The following SLC30A7 variants were observed in gnomAD, a reference collection of about 807,000 sequenced individuals.
SLC30A7 encodes zinc transporter 7.
In SLC30A7, 35 loss-of-function variants were observed where a neutral mutation model predicts 46.0. That is an observed-to-expected ratio of 0.76 (90% CI 0.58 to 1.01). The LOEUF is 1.01. Among genes scored for constraint, SLC30A7 ranks in the 50% least tolerant of loss-of-function variants. The pLI is 0.00. For synonymous variants in SLC30A7, 147 were observed against 157.8 expected, an observed-to-expected ratio of 0.93 and a Z score of 0.51; for missense variants, 464 against 451.1, an observed-to-expected ratio of 1.03 and a Z score of -0.26.
At chr1:100,943,866 G>T in intron 8 of SLC30A7, among the ~76,000 whole-genome samples, 1 of 152,120 alleles carries the variant, frequency 6.6e-6, no homozygotes, top group South Asian at 2.1e-4. Flanking sequence ...TGATATATAG[G>T]TTTATAGCAT....
chr1:100,942,084 C>T (rs983830851), intron 8 of SLC30A7: 1 of 193,588 alleles, frequency 5.2e-6, no homozygotes, highest in Non-Finnish European at 1.1e-5. Flanking sequence ...AGTAGTTTAG[C>T]TCAACGTATA....
chr1:100,981,719 C>G lies in SLC30A7; in HGVS notation c.*6862C>G, dbSNP rs189199117. On this transcript the variant is annotated 3_prime_UTR_variant, in exon 11 of 11. Coordinates refer to ENST00000357650, the MANE Select transcript of SLC30A7 (RefSeq NM_133496.5). Reference sequence around the variant, plus strand: ...ATTTAAAAAGAATCATGAACTGTATCAAAATTCTTTCAATAAAATTTCTAT... The same window carrying G: ...ATTTAAAAAGAATCATGAACTGTATGAAAATTCTTTCAATAAAATTTCTAT... 6.6e-6 allele frequency: 1 copy of G among 152,216 alleles called. No homozygotes were observed. Among genetic ancestry groups the G allele is most frequent in the East Asian group, 1.9e-4 (1 of 5,188 alleles). 9.4% of individuals were successfully genotyped at this position (152,216 alleles called of 1,614,324 possible).
At chr1:100,923,332 A>G (rs1333842991) in intron 8 of SLC30A7, among the ~76,000 whole-genome samples, 5 of 152,126 alleles carry the variant, frequency 3.3e-5, no homozygotes, top group Admixed American at 3.3e-4. Flanking sequence ...AGATTTAATA[A>G]AGTATGATGA....
At chr1:100,909,611 T>C (rs1379697927) in intron 3 of SLC30A7, among the ~76,000 whole-genome samples, 1 of 152,108 alleles carries the variant, frequency 6.6e-6, no homozygotes, top group Non-Finnish European at 1.5e-5. Context: ...GGCAAATGTG[T>C]TTAGTTTTCA....
chr1:100,937,862 A>G (rs1176101322), intron 8 of SLC30A7, among the ~76,000 whole-genome samples: 1 of 152,124 alleles, frequency 6.6e-6, no homozygotes, highest in Non-Finnish European at 1.5e-5. Context: ...GTTTTCTTCT[A>G]AGAGTTTTAT....
At chr1:100,909,451 T>G (rs923469369) in intron 3 of SLC30A7, among the ~76,000 whole-genome samples, 1 of 152,150 alleles carries the variant, frequency 6.6e-6, no homozygotes, top group East Asian at 1.9e-4. Flanking sequence ...TATATACATA[T>G]GTACCTATAC....
chr1:100,906,921 T>C lies in SLC30A7; in HGVS notation c.252T>C (p.Ala84=), dbSNP rs1198431632. 6 of 1,613,412 alleles carry C rather than the reference T, an allele frequency of 3.7e-6. No homozygotes were observed. Among genetic ancestry groups the C allele is most frequent in the Non-Finnish European group, 4.2e-6 (5 of 1,179,494 alleles). ...CTGCCATTTTGGCTGGACTGGCAGCTTCTGTTATTTCAAAATGGAGAGATA... is the reference window on the plus strand; with the variant it reads ...CTGCCATTTTGGCTGGACTGGCAGCCTCTGTTATTTCAAAATGGAGAGATA... ...DSTAILAGLA[A]SVISKWRDND... is the part of the protein sequence containing the mutation. Residue 84 remains alanine (A), a synonymous_variant, in exon 3 of 11, where the codon GCT becomes GCC. Coordinates refer to ENST00000357650, the MANE Select transcript of SLC30A7 (RefSeq NM_133496.5).
intron 8 of SLC30A7, among the ~76,000 whole-genome samples, chr1:100,944,244 T>A (rs936765444): frequency 6.6e-6 from 1 of 152,140 alleles, no homozygotes; most frequent in South Asian, 2.1e-4. Flanking sequence ...TTTGCCATGT[T>A]GTCCAGGCTG....
At chr1:100,983,898 G>C (rs1165652713), downstream of SLC30A7, among the ~76,000 whole-genome samples, 1 of 152,190 alleles carries the variant, frequency 6.6e-6, no homozygotes, top group African/African-American at 2.4e-5. Flanking sequence ...AGCCGTCGCT[G>C]TCTTCCACCC....
chr1:100,927,172 A>G (rs1570541552), intron 8 of SLC30A7, among the ~76,000 whole-genome samples: 1 of 152,310 alleles, frequency 6.6e-6, no homozygotes, highest in East Asian at 1.9e-4. Context: ...TTTGGGTGTC[A>G]TCAGATTATA....
At chr1:100,931,725 A>G (rs368662063) in intron 8 of SLC30A7, among the ~76,000 whole-genome samples, 1 of 152,206 alleles carries the variant, frequency 6.6e-6, no homozygotes, top group African/African-American at 2.4e-5. Context: ...GTAAATTAGG[A>G]GTCTATTTGT....
rs1306428598 is a variant in SLC30A7, at chr1:100,921,744, A to T, written c.745A>T (p.Ile249Phe). Residue 249 changes from isoleucine to phenylalanine, a missense_variant, in exon 8 of 11, where the codon ATT becomes TTT. Physicochemically the swap from Ile to Phe is conservative, Grantham distance 21. Coordinates refer to ENST00000357650, the MANE Select transcript of SLC30A7 (RefSeq NM_133496.5). The part of the protein sequence containing the change: ...LHILADTLGS[I>F]GVIASAIMMQ... The stretch of plus-strand genomic sequence containing the variant: ...TATCCTAGCAGATACACTTGGAAGT[A>T]TTGGTGTAATTGCTTCTGCCATCAT... 6.2e-7 allele frequency: 1 copy of T among 1,612,258 alleles called. No homozygotes were observed. Among genetic ancestry groups the T allele is most frequent in the Admixed American group, 1.7e-5 (1 of 60,000 alleles).
chr1:100,989,133 A>G, the SLC30A7 span, among the ~76,000 whole-genome samples: 2 of 152,224 alleles, frequency 1.3e-5, no homozygotes, highest in African/African-American at 2.4e-5. Context: ...ATGAAATATA[A>G]TAAATGGAGT....
intron 3 of SLC30A7, among the ~76,000 whole-genome samples, chr1:100,909,574 T>C (rs1483806917): frequency 1.3e-5 from 2 of 152,122 alleles, no homozygotes; most frequent in Admixed American, 6.6e-5. Context: ...CTACTCAATC[T>C]GTTAAGTAAA....
At chr1:100,930,876 C>T (rs563481152) in intron 8 of SLC30A7, among the ~76,000 whole-genome samples, 1 of 152,026 alleles carries the variant, frequency 6.6e-6, no homozygotes, top group South Asian at 2.1e-4. Context: ...TTTATAAAAA[C>T]TGATTAGTCT....
chr1:100,897,885 C>A (rs1345660012), intron 2 of SLC30A7, among the ~76,000 whole-genome samples: 1 of 152,108 alleles, frequency 6.6e-6, no homozygotes, highest in Non-Finnish European at 1.5e-5. Context: ...TTGAAGGATA[C>A]CCCATCATAG....
In SLC30A7 at chr1:100,950,432, T is replaced by A. The variant is rs186018972; in HGVS notation, c.843-11396T>A. On this transcript the variant is annotated intron_variant, in intron 8 of 10. Coordinates refer to ENST00000357650, the MANE Select transcript of SLC30A7 (RefSeq NM_133496.5). ...TTCACAATTTAGGTTTACTTAAACA[T>A]GTAACTTTGGAAGTCAGCATGGAGT... is the stretch of plus-strand genomic sequence containing the variant. Among the ~76,000 whole-genome samples the A allele has an allele frequency of 1.6e-4, 25 of 152,352 alleles. No homozygotes were observed. The East Asian group carries it at 4.8e-3, about 29-fold the overall frequency.
intron 10 of SLC30A7, among the ~76,000 whole-genome samples, chr1:100,971,930 T>C (rs1240554662): frequency 6.6e-6 from 1 of 152,168 alleles, no homozygotes; most frequent in Non-Finnish European, 1.5e-5. Context: ...GAAGATATTC[T>C]AAGCCTATAG....
chr1:100,985,742 A>G (rs911036765), downstream of SLC30A7, among the ~76,000 whole-genome samples: 3 of 152,076 alleles, frequency 2.0e-5, no homozygotes, highest in African/African-American at 7.2e-5. Flanking sequence ...AACTCACTTC[A>G]TACAAATATT....
Sources: gnomAD v4.1 joint callset for allele counts (sites outside exome capture counted in the v4.1 genomes callset) on GRCh38, gnomAD v4.1.1 for gene constraint, MANE v1.5 for transcripts, NCBI Gene and HGNC (gene_info 2026-07-23, HGNC 2026-07-21) for gene names.